PBX3: variants seen among roughly 807,000 people sequenced by gnomAD.
PBX3 encodes PBX homeobox 3.
In PBX3, 14 loss-of-function variants were observed where a neutral mutation model predicts 48.5. The observed-to-expected ratio is 0.29, with a 90% CI of 0.19 to 0.45. The LOEUF (loss-of-function observed/expected upper bound fraction) is 0.45. Ranked by LOEUF, PBX3 falls within the 20% of genes least tolerant of loss-of-function variation. PBX3 has a pLI of 1.00. For synonymous variants in PBX3, 210 were observed against 200.3 expected (o/e 1.05, Z -0.41); for missense variants, 386 against 546.7 (o/e 0.71, Z 2.93).
At chr9:125,797,599 T>C (rs1005942951) in intron 2 of PBX3, 1 of 152,112 alleles carries the variant, frequency 6.6e-6, no homozygotes, top group Non-Finnish European at 1.5e-5. Context: ...GAGATACATA[T>C]AGTACACAGT....
At chr9:125,781,593 C>G (rs914483412) in intron 2 of PBX3, among the ~76,000 whole-genome samples, 7 of 146,198 alleles carry the variant, frequency 4.8e-5, no homozygotes, top group Admixed American at 1.4e-4. Context: ...AGGCGAGAGG[C>G]GAGAGGGAGA....
intron 1 of PBX3, among the ~76,000 whole-genome samples, chr9:125,747,865 C>T (rs1222977599): frequency 6.6e-6 from 1 of 151,700 alleles, no homozygotes. Context: ...GGGCTCGGGA[C>T]GGACTCGGTG....
chr9:125,910,829 A>G (rs1841186863), intron 2 of PBX3, among the ~76,000 whole-genome samples: 1 of 151,662 alleles, frequency 6.6e-6, no homozygotes, highest in African/African-American at 2.4e-5. Flanking sequence ...ATTGATGTCT[A>G]CAAAATAACA....
At chr9:125,924,600 G>A (rs1423106450) in intron 3 of PBX3, among the ~76,000 whole-genome samples, 2 of 152,178 alleles carry the variant, frequency 1.3e-5, no homozygotes, top group Non-Finnish European at 2.9e-5. Context: ...GTACCTATGT[G>A]TGCTTTTGTA....
chr9:125,949,385 T>G (rs191936904), intron 5 of PBX3: 19 of 1,550,786 alleles, frequency 1.2e-5, no homozygotes, highest in Non-Finnish European at 1.6e-5. Context: ...CAGAGTCTTG[T>G]AAAGGATCCA....
In PBX3 at chr9:125,902,688, AG is replaced by A. The variant is rs375274467; in HGVS notation, c.275-12993del. 4.9e-4 allele frequency among the ~76,000 whole-genome samples: 74 copies of A among 151,792 alleles called. No individual in the cohort carries two copies. In the East Asian group the frequency reaches 0.013, roughly 27 times the overall value. ...TTCCAAATTTATTTTGAAAAGTGCC[AG>A]GGGGTGCTGTGTGCTATGTGCAATA... On this transcript the variant is annotated intron_variant, in intron 2 of 8. Transcript: ENST00000373489.
intron 3 of PBX3, among the ~76,000 whole-genome samples, chr9:125,918,568 TTTTTCA>T (rs1841385667): frequency 6.6e-6 from 1 of 152,196 alleles, no homozygotes; most frequent in Non-Finnish European, 1.5e-5. Context: ...ATATAGTTCC[TTTTTCA>T]TTTTAATACT....
rs545304081 is a variant in PBX3 at position 125,859,824 on chromosome 9, A to G, written c.275-55862A>G. On this transcript the variant is annotated intron_variant, in intron 2 of 8. Coordinates refer to ENST00000373489, the MANE Select transcript of PBX3 (RefSeq NM_006195.6). ...AATTTCTCTATCGGTGTTTCCTAATATAAGCATAAAGACAATGAAAATGTG... is the reference window on the plus strand; with the variant it reads ...AATTTCTCTATCGGTGTTTCCTAATGTAAGCATAAAGACAATGAAAATGTG... 6.6e-5 allele frequency among the ~76,000 whole-genome samples: 10 copies of G among 152,360 alleles called. No homozygotes were observed. The East Asian group carries it at 1.3e-3, about 21-fold the overall frequency.
At chr9:125,957,257 T>C (rs1164380761) in intron 5 of PBX3, among the ~76,000 whole-genome samples, 1 of 152,244 alleles carries the variant, frequency 6.6e-6, no homozygotes, top group South Asian at 2.1e-4. Flanking sequence ...AATTAAACCT[T>C]GCTTGTTAGT....
intron 2 of PBX3, among the ~76,000 whole-genome samples, chr9:125,846,356 G>C (rs944545851): frequency 3.3e-5 from 5 of 152,028 alleles, no homozygotes; most frequent in African/African-American, 1.2e-4. Context: ...AATTATGTTG[G>C]TGAATGTATA....
At chr9:125,792,386 G>A (rs1243288511) in intron 2 of PBX3, among the ~76,000 whole-genome samples, 1 of 152,176 alleles carries the variant, frequency 6.6e-6, no homozygotes, top group Non-Finnish European at 1.5e-5. Context: ...GAAGGAAAAT[G>A]AGAATGGAGA....
intron 5 of PBX3, chr9:125,949,374 A>G (rs1275828585): frequency 1.3e-6 from 2 of 1,550,682 alleles, no homozygotes; most frequent in Non-Finnish European, 1.7e-6. Flanking sequence ...TGCCGGGCAT[A>G]CAGAGTCTTG....
intron 2 of PBX3, among the ~76,000 whole-genome samples, chr9:125,806,145 C>T (rs1564665055): frequency 6.6e-6 from 1 of 152,048 alleles, no homozygotes; most frequent in South Asian, 2.1e-4. Context: ...CTTTTGATCT[C>T]ATATCTGAAG....
chr9:125,762,806 C>T (rs1274279178), intron 2 of PBX3, among the ~76,000 whole-genome samples: 1 of 152,048 alleles, frequency 6.6e-6, no homozygotes, highest in East Asian at 1.9e-4. Flanking sequence ...GAGAATGATT[C>T]GATCTAAAGC....
chr9:125,833,962 ACT>A (rs1465027944), intron 2 of PBX3, among the ~76,000 whole-genome samples: 1 of 152,138 alleles, frequency 6.6e-6, no homozygotes, highest in Non-Finnish European at 1.5e-5. Flanking sequence ...TTCTACCTGC[ACT>A]CCAAGAGGGT....
intron 2 of PBX3, among the ~76,000 whole-genome samples, chr9:125,819,153 C>T (rs1367178717): frequency 6.6e-6 from 1 of 151,684 alleles, no homozygotes; most frequent in East Asian, 1.9e-4. Context: ...TATTTTTAAT[C>T]TCATACTTTC....
intron 2 of PBX3, among the ~76,000 whole-genome samples, chr9:125,771,403 T>C (rs1836937698): frequency 6.6e-6 from 1 of 152,200 alleles, no homozygotes; most frequent in Non-Finnish European, 1.5e-5. Context: ...CTAAAATGCA[T>C]AGCAGACATT....
chr9:125,848,543 A>G (rs1216872644), intron 2 of PBX3, among the ~76,000 whole-genome samples: 3 of 152,006 alleles, frequency 2.0e-5, no homozygotes, highest in Non-Finnish European at 4.4e-5. Context: ...CATTATTGCT[A>G]TAAAGGTAAC....
chr9:125,787,070 T>G (rs1173860693), intron 2 of PBX3, among the ~76,000 whole-genome samples: 2 of 151,178 alleles, frequency 1.3e-5, no homozygotes, highest in Non-Finnish European at 3.0e-5. Flanking sequence ...GACAGGGTCT[T>G]GCTCTGTCAC....
Sources: gnomAD v4.1 joint callset for allele counts (sites outside exome capture counted in the v4.1 genomes callset) on GRCh38, gnomAD v4.1.1 for gene constraint, MANE v1.5 for transcripts, NCBI Gene and HGNC (gene_info 2026-07-23, HGNC 2026-07-21) for gene names.